GDAP1: variants seen among roughly 807,000 people sequenced by gnomAD.
The protein encoded by GDAP1 is ganglioside induced differentiation associated protein 1.
Under a neutral mutation model 40.1 loss-of-function variants are expected in GDAP1, and 34 were observed. The observed-to-expected ratio is 0.85, with a 90% CI of 0.64 to 1.13. GDAP1 has a LOEUF of 1.13. GDAP1 is among the 50% of genes most tolerant of loss of function. The pLI, the probability that GDAP1 is intolerant of heterozygous loss-of-function variation, is 0.00. For synonymous variants in GDAP1, 170 were observed against 157.4 expected, an observed-to-expected ratio of 1.08 and a Z score of -0.60; for missense variants, 374 against 433.7, an observed-to-expected ratio of 0.86 and a Z score of 1.22.
intron 2 of GDAP1, among the ~76,000 whole-genome samples, chr8:74,419,504 AT>A (rs1459895492): frequency 2.0e-5 from 3 of 152,160 alleles, no homozygotes; most frequent in African/African-American, 7.2e-5. Flanking sequence ...GGATTTGCCT[AT>A]TTTAAAATTG....
chr8:74,363,178 A>C, intron 5 of GDAP1, 125 bp downstream of exon 5: 2 of 645,676 alleles, frequency 3.1e-6, no homozygotes, highest in Non-Finnish European at 5.6e-6. Context: ...GGCAGTTTTA[A>C]TTATGATAGC....
intron 2 of GDAP1, among the ~76,000 whole-genome samples, chr8:74,472,018 T>C (rs1273748773): frequency 6.6e-6 from 1 of 152,164 alleles, no homozygotes; most frequent in Non-Finnish European, 1.5e-5. Context: ...CATGAGGGTT[T>C]GTTGTACAGA....
At chr8:74,405,898 G>A (rs1242521353) in intron 2 of GDAP1, among the ~76,000 whole-genome samples, 1 of 149,868 alleles carries the variant, frequency 6.7e-6, no homozygotes, top group African/African-American at 2.5e-5. Flanking sequence ...CCATGAAGGG[G>A]AGATGTTGGG....
At chr8:74,371,504 C>T (rs1377453113), downstream of GDAP1, among the ~76,000 whole-genome samples, 1 of 151,610 alleles carries the variant, frequency 6.6e-6, no homozygotes, top group East Asian at 1.9e-4. Flanking sequence ...ACTAAAAATA[C>T]AAAAAATTAG....
chr8:74,381,997 A>G (rs192540439), intron 2 of GDAP1, among the ~76,000 whole-genome samples: 180 of 152,020 alleles, frequency 1.2e-3, no homozygotes, highest in African/African-American at 3.8e-3. Context: ...GTACATTACC[A>G]AACTTTTTTT....
intron 2 of GDAP1, among the ~76,000 whole-genome samples, chr8:74,355,054 A>G (rs1809035310): frequency 6.6e-6 from 1 of 152,134 alleles, no homozygotes; most frequent in African/African-American, 2.4e-5. Context: ...ACATTTACAT[A>G]TTTCTATCCT....
At position 74,350,519 on chromosome 8, in the gene GDAP1, G is replaced by A. The variant is rs375536495; in HGVS notation, c.58G>A (p.Ala20Thr). ...CCCGCCCTTGAGGGCGGAAGGCAAG[G>A]CCGACGCGGAGGTTAAGCTCATTCT... ...GSPPLRAEGK[A>T]DAEVKLILYH... Residue 20 changes from alanine to threonine, a missense_variant, in exon 1 of 6, where the codon GCC (alanine) becomes ACC (threonine). Ala to Thr is a moderately conservative substitution (Grantham distance 58). Transcript: ENST00000220822. 22 of 1,613,790 alleles carry A rather than the reference G, an allele frequency of 1.4e-5. No individual in the cohort carries two copies. In the African/African-American group the frequency reaches 2.8e-4, roughly 21 times the overall value.
chr8:74,352,767 T>G (rs1173624970), intron 2 of GDAP1, among the ~76,000 whole-genome samples: 1 of 152,258 alleles, frequency 6.6e-6, no homozygotes, highest in Non-Finnish European at 1.5e-5. Context: ...AAGAGAATTT[T>G]TCTCAATCTT....
At chr8:74,448,095 G>A (rs1806255024) in intron 2 of GDAP1, among the ~76,000 whole-genome samples, 1 of 152,062 alleles carries the variant, frequency 6.6e-6, no homozygotes, top group Admixed American at 6.6e-5. Flanking sequence ...TTTTTATAAG[G>A]GAGGTGAAAT....
chr8:74,435,139 G>A (rs1806072679), intron 2 of GDAP1, among the ~76,000 whole-genome samples: 1 of 152,172 alleles, frequency 6.6e-6, no homozygotes, highest in South Asian at 2.1e-4. Flanking sequence ...TATTGGAAAT[G>A]ACTTCTTAGA....
chr8:74,422,243 TCCC>T (rs1161947258), intron 2 of GDAP1, among the ~76,000 whole-genome samples: 1 of 150,460 alleles, frequency 6.6e-6, no homozygotes, highest in Non-Finnish European at 1.5e-5. Flanking sequence ...CCTCCCTCCC[TCCC>T]TCCTTTCTTT....
intron 2 of GDAP1, among the ~76,000 whole-genome samples, chr8:74,430,328 T>C (rs1211783557): frequency 6.6e-6 from 1 of 152,230 alleles, no homozygotes; most frequent in Non-Finnish European, 1.5e-5. Flanking sequence ...CAGAAAGGTG[T>C]GTGGACATGG....
intron 2 of GDAP1, among the ~76,000 whole-genome samples, chr8:74,387,067 A>C (rs1810036263): frequency 1.3e-5 from 2 of 152,228 alleles, no homozygotes; most frequent in African/African-American, 2.4e-5. Flanking sequence ...TTATCAGCTA[A>C]AGGAGATTTT....
At position 74,451,167 on chromosome 8, in the gene GDAP1, A is replaced by T. The variant is rs1434300228; in HGVS notation, c.166-37511A>T. 2.4e-5 allele frequency among the ~76,000 whole-genome samples: 2 copies of T among 83,576 alleles called. 1 individual carries two copies. The allele number at this position is 83,576 out of a possible 152,430, so 54.8% of individuals were successfully genotyped here. ...CAAATTTTGCTTTAAGGAAATTAAG[A>T]GGCTGGGCATGGTAGCTCATGCCTG... On this transcript the variant is annotated intron_variant, in intron 2 of 2. Transcript: ENST00000523640.
chr8:74,360,027 A>T, intron 2 of GDAP1, 110 bp from the exon 3 acceptor site: 1 of 787,132 alleles, frequency 1.3e-6, no homozygotes, highest in South Asian at 1.4e-5. Context: ...TTTTGAATAT[A>T]CAGATATGTT....
chr8:74,463,697 ATAAG>A (rs1028334326), intron 2 of GDAP1, among the ~76,000 whole-genome samples: 5 of 152,240 alleles, frequency 3.3e-5, no homozygotes, highest in Non-Finnish European at 7.3e-5. Context: ...TTTAATAGAA[ATAAG>A]TAAGACATAG....
chr8:74,400,298 T>C (rs1394986297), intron 2 of GDAP1, among the ~76,000 whole-genome samples: 4 of 150,096 alleles, frequency 2.7e-5, no homozygotes, highest in African/African-American at 1.0e-4. Flanking sequence ...CCTTTACCGT[T>C]ATGTAATGGC....
intron 2 of GDAP1, among the ~76,000 whole-genome samples, chr8:74,380,149 T>C (rs552126248): frequency 1.2e-4 from 18 of 152,008 alleles, no homozygotes; most frequent in African/African-American, 4.3e-4. Context: ...CAGCTGATGA[T>C]GCTTGTGAGG....
chr8:74,360,084 T>G, intron 2 of GDAP1, 53 bp from the exon 3 acceptor site: 1 of 1,336,186 alleles, frequency 7.5e-7, no homozygotes, highest in Non-Finnish European at 1.1e-6. Context: ...TGCTTTTGAG[T>G]GTAACAACTC....
Sources: allele counts gnomAD v4.1 joint callset (sites outside exome capture counted in the v4.1 genomes callset), GRCh38; gene constraint gnomAD v4.1.1; transcripts MANE v1.5; gene names NCBI Gene and HGNC (gene_info 2026-07-23, HGNC 2026-07-21).